The following ALG13 variants were observed in gnomAD, a reference collection of about 807,000 sequenced individuals.
ALG13 encodes the protein ALG13 UDP-N-acetylglucosaminyltransferase subunit.
ALG13 carries 11 observed loss-of-function variants against 87.8 expected under a neutral mutation model. That is an observed-to-expected ratio of 0.13 (90% CI 0.08 to 0.21). The LOEUF (loss-of-function observed/expected upper bound fraction) is 0.21, where lower values mean the gene tolerates loss of function less well. ALG13 is among the 10% of genes least tolerant of loss of function. The pLI is 1.00. For missense variants in ALG13, 756 were observed against 866.1 expected (o/e 0.87, Z 1.60); for synonymous variants, 320 against 306.3 (o/e 1.04, Z -0.47).
intron 3 of ALG13, among the ~76,000 whole-genome samples, chrX:111,704,114 A>G (rs1479060805): frequency 8.9e-6 from 1 of 111,869 alleles, no homozygotes; most frequent in Non-Finnish European, 1.9e-5. Context: ...AAGATGCTCA[A>G]TATCATTAGC....
chrX:111,686,050 T>C (rs1934852097), intron 3 of ALG13: 14 of 563,432 alleles, frequency 2.5e-5, no homozygotes, highest in Non-Finnish European at 3.5e-5. Context: ...GTAAGGAGTA[T>C]TATTTTCTAC....
chrX:111,754,506 C>T (rs965600650), intron 25 of ALG13, among the ~76,000 whole-genome samples: 15 of 112,039 alleles, frequency 1.3e-4, no homozygotes, highest in African/African-American at 4.9e-4. Context: ...TTGCAGATGA[C>T]ATAACTGTAT....
Position 111,727,786 on chromosome X carries a change from C to T in ALG13, c.2247+16C>T. 1.7e-6 allele frequency: 2 copies of T among 1,165,992 alleles called. No individual in the cohort carries two copies. The highest frequency in any genetic ancestry group is 3.0e-5 in the East Asian group (1 of 33,023). ...AACTTTACCTGTGAGTGGATCAATGCTTTACTCAAAAAGCTGTTTACTTTT... is the reference window on the plus strand; with the variant it reads ...AACTTTACCTGTGAGTGGATCAATGTTTTACTCAAAAAGCTGTTTACTTTT... On this transcript the variant is annotated intron_variant, in intron 18 of 26. Transcript: ENST00000394780.
At chrX:111,735,691 G>A (rs1317263656) in intron 22 of ALG13, among the ~76,000 whole-genome samples, 3 of 111,157 alleles carry the variant, frequency 2.7e-5, no homozygotes, top group Non-Finnish European at 5.7e-5. Context: ...AAGAGGTCAA[G>A]CAACATAAGA....
chrX:111,693,341 G>A (rs749738086), intron 3 of ALG13, among the ~76,000 whole-genome samples: 31 of 107,238 alleles, frequency 2.9e-4, no homozygotes, highest in African/African-American at 9.5e-4. Context: ...TGCAACCTCC[G>A]CTTCCCAGGT....
chrX:111,732,846 A>G (rs1432130836), intron 21 of ALG13, among the ~76,000 whole-genome samples: 1 of 111,426 alleles, frequency 9.0e-6, no homozygotes, highest in Non-Finnish European at 1.9e-5. Context: ...ATTTCCTGCC[A>G]CCATTACTAT....
intron 25 of ALG13, among the ~76,000 whole-genome samples, chrX:111,755,645 A>G (rs1308314663): frequency 8.9e-6 from 1 of 112,797 alleles, no homozygotes; most frequent in African/African-American, 3.2e-5. Context: ...AAAAGAAGAC[A>G]TTTATGTGGC....
At chrX:111,694,034 T>G (rs1299457490) in intron 3 of ALG13, among the ~76,000 whole-genome samples, 2 of 110,029 alleles carry the variant, frequency 1.8e-5, no homozygotes, top group African/African-American at 6.8e-5. Context: ...TATTTTTATT[T>G]CTATTTTTAT....
intron 3 of ALG13, chrX:111,689,374 A>G: frequency 6.6e-6 from 5 of 753,797 alleles, no homozygotes; most frequent in Non-Finnish European, 7.8e-6. Context: ...CTTAGTTTTT[A>G]TAGTTTATGA....
intron 3 of ALG13, chrX:111,689,931 A>G: frequency 2.7e-6 from 2 of 753,916 alleles, no homozygotes; most frequent in Middle Eastern, 7.6e-4. Flanking sequence ...TTGGCGTATG[A>G]CAACCTTACC....
chrX:111,747,943 C>T (rs1944392158), intron 24 of ALG13, among the ~76,000 whole-genome samples: 1 of 112,361 alleles, frequency 8.9e-6, no homozygotes, highest in African/African-American at 3.2e-5. Context: ...CCTGTAGTTC[C>T]ACATCCATGC....
Position 111,690,453 on chromosome X carries a change from T to G in ALG13, c.383+5350T>G, listed in dbSNP as rs145640940. ...CTTGGGAATTAAGGATTTTAGATACTTATAATTTGGGAGGAAAGAAAGCTC... is the reference window on the plus strand; with the variant it reads ...CTTGGGAATTAAGGATTTTAGATACGTATAATTTGGGAGGAAAGAAAGCTC... On this transcript the variant is annotated intron_variant, in intron 3 of 26. Coordinates refer to ENST00000394780, the MANE Select transcript of ALG13 (RefSeq NM_001099922.3). 7.3e-6 allele frequency: 5 copies of G among 687,067 alleles called. No homozygotes were observed. In the East Asian group the frequency reaches 7.9e-4, roughly 109 times the overall value. 56.6% of individuals were successfully genotyped at this position (687,067 alleles called of 1,213,427 possible).
In ALG13 at chrX:111,736,782, C is replaced by T. The variant is rs1440489746; in HGVS notation, c.2598C>T (p.Asn866=). ...ANNVPAPVLS[N]GAAANQAIST... Reference sequence around the variant, plus strand: ...ATGTTCCAGCTCCAGTCTTATCTAACGGTGCAGCGGCTAATCAAGCTATTA... The same window carrying T: ...ATGTTCCAGCTCCAGTCTTATCTAATGGTGCAGCGGCTAATCAAGCTATTA... Residue 866 remains asparagine (N), a synonymous_variant, in exon 23 of 27, where the codon AAC becomes AAT. Coordinates refer to ENST00000394780, the MANE Select transcript of ALG13 (RefSeq NM_001099922.3). 6.6e-6 allele frequency: 8 copies of T among 1,208,446 alleles called. No individual in the cohort carries two copies. Among genetic ancestry groups the T allele is most frequent in the Middle Eastern group, 2.3e-4 (1 of 4,372 alleles).
intron 19 of ALG13, among the ~76,000 whole-genome samples, chrX:111,728,823 C>T (rs926147634): frequency 9.0e-6 from 1 of 111,160 alleles, no homozygotes; most frequent in African/African-American, 3.3e-5. Flanking sequence ...TTCGTGTGCT[C>T]TTCTGAGGAA....
chrX:111,757,745 C>T lies in ALG13; in HGVS notation c.3131C>T (p.Ala1044Val), dbSNP rs761786951. 5.0e-6 allele frequency: 6 copies of T among 1,204,190 alleles called. No individual in the cohort carries two copies. The highest frequency in any genetic ancestry group is 2.3e-4 in the Middle Eastern group (1 of 4,317). ...SEVRREDGIQ[A>V]EASANDTFPN... ...GTGAGGAGAGAAGATGGCATACAGG[C>T]GGAAGCATCAGCAAATGGTGAGTGT... The change falls in exon 26 of 27, where the codon GCG (alanine) becomes GTG (valine). Residue 1044 changes from alanine to valine, a missense_variant. By Grantham distance (64) the Ala-to-Val change is moderately conservative. Around this residue, in one of 9 missense-constraint regions of ALG13, gnomAD observed 110 missense variants for 104.9 expected, o/e 1.05. Transcript: ENST00000394780.
intron 2 of ALG13, 114 bp downstream of exon 2, chrX:111,682,408 G>A (rs916992886): frequency 3.6e-6 from 2 of 555,841 alleles, no homozygotes; most frequent in Non-Finnish European, 5.2e-6. Flanking sequence ...AAAGGTAAAC[G>A]TGTGCCATGC....
intron 25 of ALG13, among the ~76,000 whole-genome samples, chrX:111,753,369 C>A (rs1438893162): frequency 9.0e-6 from 1 of 111,113 alleles, no homozygotes; most frequent in Non-Finnish European, 1.9e-5. Context: ...AAATCAACAC[C>A]CTAACATCAC....
chrX:111,688,002 A>G (rs1433611489), intron 3 of ALG13: 2 of 1,147,916 alleles, frequency 1.7e-6, no homozygotes, highest in Admixed American at 5.4e-5. Flanking sequence ...ACAAAAATAA[A>G]CACTAAACTC....
At position 111,708,318 on chromosome X, in the gene ALG13, T is replaced by C; in HGVS notation, c.675T>C (p.Tyr225=). The change falls in exon 4 of 27, where the codon TAT becomes TAC. Residue 225 remains tyrosine, a synonymous_variant. Coordinates refer to ENST00000394780, the MANE Select transcript of ALG13 (RefSeq NM_001099922.3). ...KSLNEASMDE[Y]LGSLGLFRKL... is the part of the protein sequence containing the mutation. ...TGAATGAGGCATCAATGGATGAATATTTAGGCAGCTTAGGGCTGTTTCGAA... is the reference window on the plus strand; with the variant it reads ...TGAATGAGGCATCAATGGATGAATACTTAGGCAGCTTAGGGCTGTTTCGAA... 3.3e-6 allele frequency: 4 copies of C among 1,211,672 alleles called. No individual in the cohort carries two copies. Among genetic ancestry groups the C allele is most frequent in the Non-Finnish European group, 4.5e-6 (4 of 895,350 alleles).
Sources: allele counts gnomAD v4.1 joint callset (sites outside exome capture counted in the v4.1 genomes callset), GRCh38; gene constraint gnomAD v4.1.1; regional missense constraint gnomAD v4.1.1; transcripts MANE v1.5; gene names NCBI Gene and HGNC (gene_info 2026-07-23, HGNC 2026-07-21).